Variants in KIF26B observed in about 807,000 individuals in gnomAD.
The protein encoded by KIF26B is kinesin-like protein KIF26B.
KIF26B carries 63 observed loss-of-function variants against 151.2 expected under a neutral mutation model. The ratio of observed to expected loss-of-function variants is 0.42; its 90% confidence interval spans 0.34 to 0.51. The LOEUF is 0.51. Ranked by LOEUF, KIF26B falls within the 20% of genes least tolerant of loss-of-function variation. KIF26B has a pLI of 0.07. For missense variants in KIF26B, 2,813 were observed against 2,913.6 expected (o/e 0.97, Z 0.79); for synonymous variants, 1,357 against 1,262.1 (o/e 1.08, Z -1.59).
At chr1:245,672,958 T>G (rs1338665744) in intron 10 of KIF26B, among the ~76,000 whole-genome samples, 1 of 152,202 alleles carries the variant, frequency 6.6e-6, no homozygotes, top group Non-Finnish European at 1.5e-5. Context: ...TGGAGAACAT[T>G]AGAGGGACTC....
chr1:245,346,107 T>G (rs59164202), intron 2 of KIF26B, among the ~76,000 whole-genome samples: 4,259 of 151,602 alleles, frequency 0.028, 114 homozygotes, highest in African/African-American at 0.071. Context: ...TAATTTTTTT[T>G]TGTGTGTGTG....
intron 3 of KIF26B, among the ~76,000 whole-genome samples, chr1:245,408,329 C>G (rs1219565728): frequency 1.4e-5 from 2 of 147,378 alleles, no homozygotes; most frequent in Non-Finnish European, 3.0e-5. Flanking sequence ...ATCACTCATT[C>G]AAATGATTCT....
rs1660336884 is a variant in KIF26B at position 245,488,804 on chromosome 1, TA to T, written c.1167-51961del. Among the ~76,000 whole-genome samples, 1 of 152,204 alleles carries T rather than the reference TA, an allele frequency of 6.6e-6. No individual in the cohort carries two copies. The highest frequency in any genetic ancestry group is 6.5e-5 in the Admixed American group (1 of 15,280). ...ACACTAAAATCAGAGGGCAGATCTT[TA>T]AGAGGTTAATTTTGTGAGTGAGTCC... On this transcript the variant is annotated intron_variant, in intron 4 of 14. Coordinates refer to ENST00000407071, the MANE Select transcript of KIF26B (RefSeq NM_018012.4). This position sits in a 1 kb window ranked among gnomAD's most constrained non-coding sequence, Gnocchi z 4.6.
chr1:245,279,950 A>T (rs1240591470), intron 2 of KIF26B, among the ~76,000 whole-genome samples: 1 of 152,012 alleles, frequency 6.6e-6, no homozygotes, highest in Admixed American at 6.6e-5. Flanking sequence ...TTGGCTGCTT[A>T]AATCACTCCG....
chr1:245,602,650 A>G lies in KIF26B; in HGVS notation c.1424A>G (p.Asp475Gly), dbSNP rs1558232428. The G allele has an allele frequency of 6.2e-7, 1 of 1,614,032 alleles. No homozygotes were observed. Among genetic ancestry groups the G allele is most frequent in the African/African-American group, 1.3e-5 (1 of 75,056 alleles). ...GAATCCAGCTCTTTCTTAAAGGTGG[A>G]CCCACGGAAGAAGCAGATCACCTTG... ...TSESSSFLKV[D>G]PRKKQITLYD... The change falls in exon 6 of 15, where the codon GAC becomes GGC. Residue 475 changes from aspartate to glycine, a missense_variant. Transcript: ENST00000407071. This position sits in a 1 kb window ranked among gnomAD's most constrained non-coding sequence, Gnocchi z 4.5.
At chr1:245,197,838 C>A (rs528562690) in intron 2 of KIF26B, among the ~76,000 whole-genome samples, 5 of 152,234 alleles carry the variant, frequency 3.3e-5, no homozygotes, top group African/African-American at 7.2e-5. Flanking sequence ...AGTTTCACCA[C>A]CCAGGATAAT....
At chr1:245,477,170 T>G (rs1479987144) in intron 4 of KIF26B, among the ~76,000 whole-genome samples, 2 of 151,972 alleles carry the variant, frequency 1.3e-5, no homozygotes, top group Non-Finnish European at 2.9e-5. Context: ...TAGTCATTTG[T>G]GCTTGATGCT....
intron 3 of KIF26B, among the ~76,000 whole-genome samples, chr1:245,394,524 G>A (rs1464107771): frequency 6.6e-6 from 1 of 152,108 alleles, no homozygotes; most frequent in Non-Finnish European, 1.5e-5. Context: ...TTGGAAGGCT[G>A]AGGCAGGAGA....
chr1:245,546,213 T>TTTTTTTG (rs1205156474), intron 5 of KIF26B, among the ~76,000 whole-genome samples: 8 of 152,180 alleles, frequency 5.3e-5, no homozygotes, highest in Non-Finnish European at 7.4e-5. Flanking sequence ...TTGGTTTTGT[T>TTTTTTTG]TTTTTTGTTT....
At chr1:245,542,561 A>G (rs1661648476) in intron 5 of KIF26B, among the ~76,000 whole-genome samples, 1 of 152,142 alleles carries the variant, frequency 6.6e-6, no homozygotes, top group African/African-American at 2.4e-5. Context: ...GGTGGAAAAA[A>G]CAGTGTGGAC....
At chr1:245,181,327 G>T (rs3795475) in intron 2 of KIF26B, among the ~76,000 whole-genome samples, 75,148 of 151,732 alleles carry the variant, frequency 0.5, 19,916 homozygotes, top group Non-Finnish European at 0.6. Context: ...TCTGTTGCTT[G>T]GCAGCCTTGG....
chr1:245,665,697 A>T (rs985882063), intron 10 of KIF26B, among the ~76,000 whole-genome samples: 4 of 141,434 alleles, frequency 2.8e-5, no homozygotes, highest in African/African-American at 8.0e-5. Context: ...TCAGCTTGGA[A>T]CATTATATCT....
At chr1:245,580,572 C>T (rs1012519614) in intron 5 of KIF26B, among the ~76,000 whole-genome samples, 1 of 152,184 alleles carries the variant, frequency 6.6e-6, no homozygotes. Flanking sequence ...GCGGAGCCTC[C>T]GGACTCGCCT....
rs1351045285 is a variant in KIF26B, at chr1:245,706,512, A to G, written c.*3906A>G. On this transcript the variant is annotated 3_prime_UTR_variant, in exon 15 of 15. Transcript: ENST00000407071. ...ACTGTAAAATGACTAAAGATGAGTT[A>G]ATTTCCAAACTAAAAAAGGAAGGAG... 1 of 152,218 alleles carries G rather than the reference A, an allele frequency of 6.6e-6. No individual in the cohort carries two copies. The highest frequency in any genetic ancestry group is 1.9e-4 in the East Asian group (1 of 5,194). The allele number at this position is 152,218 out of a possible 1,614,324, so 9.4% of individuals were successfully genotyped here. A position where few individuals can be genotyped will look rare whatever the true frequency, so the allele number is the denominator to read the frequency against.
At position 245,555,812 on chromosome 1, in the gene KIF26B, A is replaced by C. The variant is rs1162616652; in HGVS notation, c.1350+14862A>C. On this transcript the variant is annotated intron_variant, in intron 5 of 14. Transcript: ENST00000407071. ...CCCTTCACCCAATCCGTATTTACCGAGCATTGACTGGGTGCCTGTGAAATG... is the reference window on the plus strand; with the variant it reads ...CCCTTCACCCAATCCGTATTTACCGCGCATTGACTGGGTGCCTGTGAAATG... 5.9e-5 allele frequency among the ~76,000 whole-genome samples: 9 copies of C among 152,218 alleles called. No homozygotes were observed. In the East Asian group the frequency reaches 1.7e-3, roughly 29 times the overall value.
chr1:245,602,685 C>A lies in KIF26B; in HGVS notation c.1459C>A (p.Leu487Met). Residue 487 changes from leucine (L) to methionine (M), a missense_variant, in exon 6 of 15, where the codon CTG (leucine) becomes ATG (methionine). By Grantham distance (15) the Leu-to-Met change is conservative. This residue lies in a region of KIF26B where 676 missense variants were observed against 688.1 expected (regional missense o/e 0.98). Coordinates refer to ENST00000407071, the MANE Select transcript of KIF26B (RefSeq NM_018012.4). The surrounding 1 kb of genome is among the most constrained non-coding windows in gnomAD (Gnocchi z 4.5). ...GAAGCAGATCACCTTGTACGATCCC[C>A]TGACTTGTGGAGGTCAAAATGCCTT... ...RKKQITLYDP[L>M]TCGGQNAFQK... 1.2e-6 allele frequency: 2 copies of A among 1,614,048 alleles called. No homozygotes were observed. Among genetic ancestry groups the A allele is most frequent in the Non-Finnish European group, 1.7e-6 (2 of 1,179,896 alleles).
At chr1:245,233,383 A>G (rs542969818) in intron 2 of KIF26B, among the ~76,000 whole-genome samples, 3 of 152,214 alleles carry the variant, frequency 2.0e-5, no homozygotes, top group Non-Finnish European at 4.4e-5. Flanking sequence ...TCATATGTAA[A>G]GTGATTTTCT....
At chr1:245,341,091 T>C (rs1440541622) in intron 2 of KIF26B, among the ~76,000 whole-genome samples, 2 of 152,164 alleles carry the variant, frequency 1.3e-5, no homozygotes, top group Non-Finnish European at 2.9e-5. Context: ...TGTTCTCGTT[T>C]TTCCCTTGGG....
intron 2 of KIF26B, among the ~76,000 whole-genome samples, chr1:245,198,300 A>C (rs1434928495): frequency 6.6e-6 from 1 of 152,236 alleles, no homozygotes; most frequent in Non-Finnish European, 1.5e-5. Context: ...CAGACAAGTT[A>C]CTTGTGTCTC....
Sources: gnomAD v4.1 joint callset for allele counts (sites outside exome capture counted in the v4.1 genomes callset) on GRCh38, gnomAD v4.1.1 for gene constraint, gnomAD v4.1.1 regional missense constraint, Gnocchi (gnomAD v3.1) non-coding constraint, MANE v1.5 for transcripts, NCBI Gene and HGNC (gene_info 2026-07-23, HGNC 2026-07-21) for gene names.